The following EPSTI1 variants were observed in gnomAD, a reference collection of about 807,000 sequenced individuals.
EPSTI1 encodes epithelial stromal interaction 1, also known as epithelial-stromal interaction protein 1.
In EPSTI1, 66 loss-of-function variants were observed where a neutral mutation model predicts 49.9. That is an observed-to-expected ratio of 1.32 (90% CI 1.08 to 1.62). The LOEUF (loss-of-function observed/expected upper bound fraction) is 1.62, where lower values mean the gene tolerates loss of function less well. EPSTI1 is among the 40% of genes most tolerant of loss of function. The pLI is 0.00. For synonymous variants in EPSTI1, 137 were observed against 130.7 expected, an observed-to-expected ratio of 1.05 and a Z score of -0.33; for missense variants, 394 against 365.5, an observed-to-expected ratio of 1.08 and a Z score of -0.64.
rs1025145821 is a variant in EPSTI1, at chr13:42,918,296, G to A, written c.658-672C>T. ...CCACACCCTGGCATAGTGACCATGT[G>A]TTCTGACATTTATGGCATTTCAAGT... On this transcript the variant is annotated intron_variant, in intron 7 of 10. Coordinates refer to ENST00000313624, the MANE Select transcript of EPSTI1 (RefSeq NM_033255.5). 2.0e-5 allele frequency among the ~76,000 whole-genome samples: 3 copies of A among 152,176 alleles called. No individual in the cohort carries two copies. In the South Asian group the frequency reaches 6.2e-4, roughly 32 times the overall value.
At chr13:42,942,789 C>T (rs538468455) in intron 6 of EPSTI1, among the ~76,000 whole-genome samples, 1 of 150,182 alleles carries the variant, frequency 6.7e-6, no homozygotes, top group Non-Finnish European at 1.5e-5. Flanking sequence ...CCCGGGTTCA[C>T]GCCATTCTCC....
At chr13:42,960,439 T>C (rs1273009835) in intron 5 of EPSTI1, among the ~76,000 whole-genome samples, 1 of 152,238 alleles carries the variant, frequency 6.6e-6, no homozygotes, top group Non-Finnish European at 1.5e-5. Context: ...TTGCATCTGG[T>C]AGACTGCTTT....
intron 1 of EPSTI1, among the ~76,000 whole-genome samples, chr13:42,982,223 A>C (rs2039998147): frequency 6.6e-6 from 1 of 152,232 alleles, no homozygotes; most frequent in Non-Finnish European, 1.5e-5. Context: ...CCAAGATGGC[A>C]ACGAGAGTGA....
At chr13:42,939,051 TCTTCC>T (rs964032331) in intron 6 of EPSTI1, among the ~76,000 whole-genome samples, 1 of 152,190 alleles carries the variant, frequency 6.6e-6, no homozygotes, top group Non-Finnish European at 1.5e-5. Flanking sequence ...GGAGCTGGCT[TCTTCC>T]CTTAAACCTC....
Position 42,895,019 on chromosome 13 carries a change from C to A in EPSTI1, c.905G>T (p.Gly302Val), listed in dbSNP as rs1205700186. Residue 302 changes from glycine (G) to valine (V), a missense_variant, in exon 10 of 11, where the codon GGT becomes GTT. By Grantham distance (109) the Gly-to-Val change is moderately radical (BLOSUM62 -3). Coordinates refer to ENST00000313624, the MANE Select transcript of EPSTI1 (RefSeq NM_033255.5). ...AAAGAAAAAACTCACCCAGCTGTTA[C>A]CGCTATTCATATTCCAACAGCCTCC... Reference protein sequence around the residue: ...QSGGCWNMNSGNSWGI With the variant: ...QSGGCWNMNSVNSWGI 8 of 1,611,188 alleles carry A rather than the reference C, an allele frequency of 5.0e-6. No individual in the cohort carries two copies. The highest frequency in any genetic ancestry group is 6.8e-6 in the Non-Finnish European group (8 of 1,178,436).
intron 1 of EPSTI1, among the ~76,000 whole-genome samples, chr13:42,987,072 C>T (rs142637447): frequency 3.9e-5 from 6 of 152,130 alleles, no homozygotes; most frequent in Non-Finnish European, 7.4e-5. Flanking sequence ...GTAATTTCTG[C>T]GAGTTTTGTG....
At chr13:42,987,387 A>C (rs2040103774) in intron 1 of EPSTI1, among the ~76,000 whole-genome samples, 1 of 151,982 alleles carries the variant, frequency 6.6e-6, no homozygotes, top group South Asian at 2.1e-4. Flanking sequence ...GATCCTGTAG[A>C]CCAAAGCTCA....
At chr13:42,947,338 C>T (rs1215349593) in intron 6 of EPSTI1, among the ~76,000 whole-genome samples, 2 of 152,094 alleles carry the variant, frequency 1.3e-5, no homozygotes, top group African/African-American at 4.8e-5. Context: ...ACCATGTATA[C>T]AGTAGTGAGG....
At chr13:42,924,540 G>T (rs2038114474) in intron 7 of EPSTI1, among the ~76,000 whole-genome samples, 1 of 152,196 alleles carries the variant, frequency 6.6e-6, no homozygotes, top group African/African-American at 2.4e-5. Flanking sequence ...CAGCCTGGTA[G>T]GCGAAACTCC....
chr13:42,936,895 C>A (rs2038583004), intron 6 of EPSTI1, among the ~76,000 whole-genome samples: 1 of 152,186 alleles, frequency 6.6e-6, no homozygotes, highest in Non-Finnish European at 1.5e-5. Flanking sequence ...CATCTCAGTA[C>A]ATGGCATCAC....
At chr13:42,983,563 CAAAAAAAAAAAAAAAA>C (rs56259281) in intron 1 of EPSTI1, among the ~76,000 whole-genome samples, 1 of 95,498 alleles carries the variant, frequency 1.0e-5, no homozygotes. Context: ...GACTCCATCT[CAAAAAAAAAAAAAAAA>C]AAAAAAAAAA....
At chr13:42,938,898 G>A (rs1363000067) in intron 6 of EPSTI1, among the ~76,000 whole-genome samples, 3 of 52,032 alleles carry the variant, frequency 5.8e-5, no homozygotes, top group Non-Finnish European at 1.0e-4. Context: ...CTGGGAGACA[G>A]AGCAAGACTC....
At chr13:42,957,856 G>A (rs1442814867) in intron 5 of EPSTI1, among the ~76,000 whole-genome samples, 1 of 152,252 alleles carries the variant, frequency 6.6e-6, no homozygotes, top group African/African-American at 2.4e-5. Flanking sequence ...TTGCAGGCAT[G>A]AGCCACCATA....
intron 10 of EPSTI1, chr13:42,889,380 CT>C: frequency 1.8e-6 from 1 of 548,996 alleles, no homozygotes; most frequent in East Asian, 3.4e-5. Flanking sequence ...AACATACACA[CT>C]TATTGGGGGC....
intron 9 of EPSTI1, among the ~76,000 whole-genome samples, chr13:42,898,474 C>G (rs557040825): frequency 4.5e-4 from 69 of 152,268 alleles, no homozygotes; most frequent in African/African-American, 1.6e-3. Context: ...ATGACTTGAT[C>G]AGATACTTCA....
chr13:42,926,990 G>GACAGACACACACACAC, intron 6 of EPSTI1, among the ~76,000 whole-genome samples: 1 of 144,714 alleles, frequency 6.9e-6, no homozygotes, highest in South Asian at 2.3e-4. Flanking sequence ...TCTGTTAACA[G>GACAGACACACACACAC]ACACACACAC....
chr13:42,960,356 T>C (rs756462366), intron 5 of EPSTI1, among the ~76,000 whole-genome samples: 5 of 152,126 alleles, frequency 3.3e-5, no homozygotes, highest in Non-Finnish European at 7.4e-5. Flanking sequence ...AGCACTAAAT[T>C]TGGGTGAAAT....
rs137978750 is a variant in EPSTI1 at position 42,957,972 on chromosome 13, A to G, written c.490-3951T>C. Among the ~76,000 whole-genome samples, 727 of 152,324 alleles carry G rather than the reference A, an allele frequency of 4.8e-3. 7 individuals are homozygous for G. Among genetic ancestry groups the G allele is most frequent in the African/African-American group, 0.016 (671 of 41,574 alleles). ...TCTTTTTAAGAGCTGGGGTTTCACC[A>G]TCTTGCCCAGACTGGTCTCAAAGCC... On this transcript the variant is annotated intron_variant, in intron 5 of 10. Transcript: ENST00000313624.
chr13:42,982,765 TCC>T, intron 1 of EPSTI1, among the ~76,000 whole-genome samples: 1 of 150,256 alleles, frequency 6.7e-6, no homozygotes, highest in South Asian at 2.1e-4. Flanking sequence ...TCTGACCTTC[TCC>T]CATCTTTTTC....
Sources: gnomAD v4.1 joint callset for allele counts (sites outside exome capture counted in the v4.1 genomes callset) on GRCh38, gnomAD v4.1.1 for gene constraint, MANE v1.5 for transcripts, NCBI Gene and HGNC (gene_info 2026-07-23, HGNC 2026-07-21) for gene names.